Variants in CNTN1 observed in about 807,000 individuals in gnomAD.
The protein encoded by CNTN1 is contactin-1.
Under a neutral mutation model 126.4 loss-of-function variants are expected in CNTN1, and 38 were observed. The observed-to-expected ratio is 0.30, with a 90% CI of 0.23 to 0.39. CNTN1 has a LOEUF of 0.39. Among genes scored for constraint, CNTN1 ranks in the 10% least tolerant of loss-of-function variants. CNTN1 has a pLI of 1.00. For synonymous variants in CNTN1, 413 were observed against 422.6 expected, an observed-to-expected ratio of 0.98 and a Z score of 0.28; for missense variants, 1,009 against 1,248.4, an observed-to-expected ratio of 0.81 and a Z score of 2.89.
chr12:40,826,821 T>C (rs1475029299), intron 1 of CNTN1, among the ~76,000 whole-genome samples: 1 of 152,184 alleles, frequency 6.6e-6, no homozygotes, highest in African/African-American at 2.4e-5. Context: ...GGTTTCACTT[T>C]GATTTTACAA....
intron 15 of CNTN1, chr12:40,972,059 G>C: frequency 1.0e-6 from 1 of 985,948 alleles, no homozygotes. Flanking sequence ...GTAAACAACT[G>C]AAGTCCTACC....
At chr12:40,971,872 T>G (rs1433788106) in intron 15 of CNTN1, 2 of 1,081,612 alleles carry the variant, frequency 1.8e-6, no homozygotes, top group African/African-American at 3.4e-5. Context: ...AATACAGGAG[T>G]ATTGCCATTG....
Position 40,766,282 on chromosome 12 carries a change from G to A in CNTN1, c.-77+73690G>A, listed in dbSNP as rs1328035956. On this transcript the variant is annotated intron_variant, in intron 1 of 23. Coordinates refer to ENST00000551295, the MANE Select transcript of CNTN1 (RefSeq NM_001843.4). ...TGAGGCAGGAGAGTCACTTGAACCCGGGAAGTGGTGGTTTCAGTGAGCTGA... is the reference window on the plus strand; with the variant it reads ...TGAGGCAGGAGAGTCACTTGAACCCAGGAAGTGGTGGTTTCAGTGAGCTGA... 4.0e-5 allele frequency among the ~76,000 whole-genome samples: 6 copies of A among 151,714 alleles called. No homozygotes were observed. In the East Asian group the frequency reaches 9.7e-4, roughly 24 times the overall value.
chr12:40,998,224 AT>A (rs1042902787), intron 17 of CNTN1, among the ~76,000 whole-genome samples: 66 of 152,292 alleles, frequency 4.3e-4, no homozygotes, highest in African/African-American at 1.5e-3. Flanking sequence ...GAAAGCGGTC[AT>A]TTTTTAACTT....
chr12:41,010,546 G>C (rs1197469830), intron 17 of CNTN1, among the ~76,000 whole-genome samples: 1 of 152,126 alleles, frequency 6.6e-6, no homozygotes, highest in Non-Finnish European at 1.5e-5. Context: ...TCACCCTTAG[G>C]AGGTTCTCCA....
intron 6 of CNTN1, among the ~76,000 whole-genome samples, chr12:40,929,223 TCTC>T (rs1227215496): frequency 6.6e-6 from 1 of 151,882 alleles, no homozygotes; most frequent in Non-Finnish European, 1.5e-5. Context: ...ATATGATACA[TCTC>T]CTAATATTTA....
chr12:40,981,469 C>A lies in CNTN1; in HGVS notation c.1963+402C>A, dbSNP rs184837610. On this transcript the variant is annotated intron_variant, in intron 16 of 23. Coordinates refer to ENST00000551295, the MANE Select transcript of CNTN1 (RefSeq NM_001843.4). ...ACTATAGTTCTGAATTTCTAAAAAA[C>A]CACATTGATCATAAATCTTAAATTA... is the stretch of plus-strand genomic sequence containing the variant. Among the ~76,000 whole-genome samples the A allele has an allele frequency of 5.2e-3, 787 of 152,130 alleles. 13 individuals carry two copies. The highest frequency in any genetic ancestry group is 0.018 in the African/African-American group (743 of 41,540).
intron 23 of CNTN1, among the ~76,000 whole-genome samples, chr12:41,032,821 C>G (rs1949175597): frequency 6.6e-6 from 1 of 152,196 alleles, no homozygotes; most frequent in Non-Finnish European, 1.5e-5. Flanking sequence ...TTACTTGAAG[C>G]TAAGCTCCAT....
At chr12:40,714,846 T>C (rs955808894) in intron 1 of CNTN1, among the ~76,000 whole-genome samples, 1 of 152,098 alleles carries the variant, frequency 6.6e-6, no homozygotes, top group African/African-American at 2.4e-5. Context: ...AACTCTATGC[T>C]CTGTATGTGA....
intron 12 of CNTN1, 86 bp from the exon 13 acceptor site, chr12:40,943,511 A>G: frequency 9.6e-7 from 1 of 1,044,264 alleles, no homozygotes; most frequent in South Asian, 1.4e-5. Flanking sequence ...GTAATAATTG[A>G]AAAATATTAG....
At chr12:40,746,973 G>T (rs1938210553) in intron 1 of CNTN1, among the ~76,000 whole-genome samples, 1 of 152,042 alleles carries the variant, frequency 6.6e-6, no homozygotes, top group South Asian at 2.1e-4. Flanking sequence ...TGTGACAACT[G>T]CCTGGCCATC....
intron 23 of CNTN1, among the ~76,000 whole-genome samples, chr12:41,044,977 A>T (rs1949509599): frequency 6.6e-6 from 1 of 152,238 alleles, no homozygotes; most frequent in African/African-American, 2.4e-5. Context: ...TGAATAAATT[A>T]TTCATGAGAA....
rs568283585 is a variant in CNTN1, at chr12:40,721,506, A to C, written c.-77+28914A>C. On this transcript the variant is annotated intron_variant, in intron 1 of 23. Transcript: ENST00000551295. The stretch of plus-strand genomic sequence containing the variant: ...AATATATTCATTTTTATAATTTATC[A>C]TGAAGGATGCTGTCTGCTGAATTGG... Among the ~76,000 whole-genome samples, 4 of 152,152 alleles carry C rather than the reference A, an allele frequency of 2.6e-5. No individual in the cohort carries two copies. In the South Asian group the frequency reaches 8.3e-4, roughly 32 times the overall value.
At chr12:40,960,000 T>A (rs1947050552) in intron 15 of CNTN1, among the ~76,000 whole-genome samples, 2 of 152,134 alleles carry the variant, frequency 1.3e-5, no homozygotes, top group Non-Finnish European at 2.9e-5. Flanking sequence ...TCAGTTGCTT[T>A]ATTCACAGTA....
chr12:40,831,014 A>G (rs12309009), intron 1 of CNTN1, among the ~76,000 whole-genome samples: 63 of 141,470 alleles, frequency 4.5e-4, no homozygotes, highest in African/African-American at 1.7e-3. Context: ...AAGTTAATAT[A>G]TAGTATAGTA....
chr12:40,746,515 C>T (rs1458228909), intron 1 of CNTN1, among the ~76,000 whole-genome samples: 3 of 152,024 alleles, frequency 2.0e-5, no homozygotes, highest in Non-Finnish European at 2.9e-5. Context: ...AGAGCAGGAA[C>T]AAAAGGAAGG....
chr12:40,782,503 C>G (rs925917473), intron 1 of CNTN1, among the ~76,000 whole-genome samples: 1 of 151,820 alleles, frequency 6.6e-6, no homozygotes, highest in Non-Finnish European at 1.5e-5. Context: ...AGTTAACTAA[C>G]TATAATTTCA....
At chr12:40,767,039 T>C (rs1939122246) in intron 1 of CNTN1, among the ~76,000 whole-genome samples, 1 of 152,136 alleles carries the variant, frequency 6.6e-6, no homozygotes, top group African/African-American at 2.4e-5. Context: ...GGAATGGAGA[T>C]AGATTTGAGA....
intron 1 of CNTN1, among the ~76,000 whole-genome samples, chr12:40,844,431 T>A (rs1457270301): frequency 6.6e-6 from 1 of 152,174 alleles, no homozygotes; most frequent in Admixed American, 6.5e-5. Context: ...GTGTGTGTTC[T>A]TTACTGAAAG....
Sources: gnomAD v4.1 joint callset for allele counts (sites outside exome capture counted in the v4.1 genomes callset) on GRCh38, gnomAD v4.1.1 for gene constraint, MANE v1.5 for transcripts, NCBI Gene and HGNC (gene_info 2026-07-23, HGNC 2026-07-21) for gene names.